SP140L: variants seen among roughly 807,000 people sequenced by gnomAD.
SP140L encodes the protein nuclear body protein SP140-like protein.
A neutral mutation model predicts 84.3 loss-of-function variants in SP140L; 64 were observed. That is an observed-to-expected ratio of 0.76 (90% CI 0.62 to 0.94). SP140L has a LOEUF of 0.94. SP140L is among the 40% of genes least tolerant of loss of function. The probability of loss-of-function intolerance (pLI) is 0.00; values close to 1 mark genes in which losing one functional copy is unlikely to be tolerated. For missense variants in SP140L, 628 were observed against 692.5 expected, an observed-to-expected ratio of 0.91 and a Z score of 1.05; for synonymous variants, 242 against 236.9, an observed-to-expected ratio of 1.02 and a Z score of -0.20.
chr2:230,387,236 G>A (rs758175287), intron 9 of SP140L, among the ~76,000 whole-genome samples: 7 of 152,174 alleles, frequency 4.6e-5, no homozygotes, highest in Admixed American at 2.6e-4. Flanking sequence ...TACTATACAA[G>A]CCTCCTACCT....
chr2:230,336,962 A>AT (rs2059899956), intron 2 of SP140L, among the ~76,000 whole-genome samples: 1 of 152,102 alleles, frequency 6.6e-6, no homozygotes, highest in South Asian at 2.1e-4. Context: ...GGTGTGTTGT[A>AT]TTAGTCTGTT....
chr2:230,376,891 G>A (rs1162943684), intron 7 of SP140L, among the ~76,000 whole-genome samples: 1 of 151,954 alleles, frequency 6.6e-6, no homozygotes, highest in Non-Finnish European at 1.5e-5. Context: ...AATAGAATAG[G>A]GAACCCGGAA....
At chr2:230,347,717 C>A (rs2060250929) in intron 2 of SP140L, among the ~76,000 whole-genome samples, 1 of 152,190 alleles carries the variant, frequency 6.6e-6, no homozygotes, top group Non-Finnish European at 1.5e-5. Flanking sequence ...TGGGCAGAAT[C>A]TCTTTGGGGG....
chr2:230,399,576 C>G (rs1395721809), intron 14 of SP140L, among the ~76,000 whole-genome samples: 2 of 152,226 alleles, frequency 1.3e-5, no homozygotes, highest in African/African-American at 4.8e-5. Flanking sequence ...CATGTGTACT[C>G]ATGGTCCTTC....
At chr2:230,369,881 C>T (rs1017769879) in intron 5 of SP140L, among the ~76,000 whole-genome samples, 14 of 152,198 alleles carry the variant, frequency 9.2e-5, no homozygotes, top group Admixed American at 3.3e-4. Context: ...TCAAGTGATT[C>T]TCCTGCCTCA....
rs1409141910 is a variant in SP140L at position 230,381,756 on chromosome 2, ACAC to A, written c.638-1753_638-1751del. On this transcript the variant is annotated intron_variant, in intron 7 of 18. Coordinates refer to ENST00000415673, the MANE Select transcript of SP140L (RefSeq NM_138402.6). ...CACACACACACACACACACACACAC[ACAC>A]ATTTCATAAACCGTGAATGCTTTAG... 2.5e-5 allele frequency among the ~76,000 whole-genome samples: 3 copies of A among 121,170 alleles called. No individual in the cohort carries two copies. The East Asian group carries it at 6.5e-4, about 26-fold the overall frequency. 79.5% of individuals were successfully genotyped at this position (121,170 alleles called of 152,430 possible).
At chr2:230,381,186 G>A (rs564476909) in intron 7 of SP140L, among the ~76,000 whole-genome samples, 34 of 152,218 alleles carry the variant, frequency 2.2e-4, no homozygotes, top group Admixed American at 7.2e-4. Flanking sequence ...ACCTCCGAGG[G>A]AGATATTATC....
chr2:230,353,963 T>C (rs1365266381), intron 2 of SP140L, among the ~76,000 whole-genome samples: 3 of 152,178 alleles, frequency 2.0e-5, no homozygotes, highest in African/African-American at 2.4e-5. Flanking sequence ...TGAAACCATA[T>C]TGTTCCACCA....
intron 2 of SP140L, among the ~76,000 whole-genome samples, chr2:230,347,401 T>G (rs1300552759): frequency 6.6e-6 from 1 of 152,026 alleles, no homozygotes; most frequent in Non-Finnish European, 1.5e-5. Flanking sequence ...TCAGTATTGT[T>G]ATCAGGTACC....
intron 2 of SP140L, among the ~76,000 whole-genome samples, chr2:230,356,973 A>C (rs1403656572): frequency 6.6e-6 from 1 of 152,148 alleles, no homozygotes; most frequent in African/African-American, 2.4e-5. Context: ...GGGAAGTGCC[A>C]ATAATTCTCT....
intron 13 of SP140L, among the ~76,000 whole-genome samples, chr2:230,395,357 G>A (rs1276460172): frequency 6.6e-6 from 1 of 152,020 alleles, no homozygotes; most frequent in Non-Finnish European, 1.5e-5. Context: ...ATGGGAGGAT[G>A]ACTTGAGCTC....
At chr2:230,354,885 G>GA (rs1553617610) in intron 2 of SP140L, among the ~76,000 whole-genome samples, 4 of 124,408 alleles carry the variant, frequency 3.2e-5, no homozygotes. Flanking sequence ...AAGAAAGAAA[G>GA]AAAGAAAGAA....
At chr2:230,385,489 T>A (rs16827208) in intron 9 of SP140L, among the ~76,000 whole-genome samples, 185 bp downstream of exon 9, 5,817 of 152,270 alleles carry the variant, frequency 0.038, 390 homozygotes, top group African/African-American at 0.13. Context: ...ATATCATAGA[T>A]CTTATCTGTC....
At chr2:230,345,079 A>T (rs112192555) in intron 2 of SP140L, among the ~76,000 whole-genome samples, 3,959 of 152,284 alleles carry the variant, frequency 0.026, 178 homozygotes, top group African/African-American at 0.09. Context: ...TTCATCTGTC[A>T]TTGTTAAGGG....
chr2:230,364,809 A>G (rs1469874348), intron 5 of SP140L, among the ~76,000 whole-genome samples: 1 of 152,066 alleles, frequency 6.6e-6, no homozygotes, highest in African/African-American at 2.4e-5. Context: ...TCTGAGGTAC[A>G]TTTCTTCTAT....
intron 4 of SP140L, among the ~76,000 whole-genome samples, chr2:230,360,469 AT>A (rs2060680642): frequency 1.3e-5 from 2 of 152,220 alleles, no homozygotes; most frequent in African/African-American, 4.8e-5. Flanking sequence ...AAATAAAATA[AT>A]TTTTGTAACA....
intron 2 of SP140L, among the ~76,000 whole-genome samples, chr2:230,340,498 GT>G (rs1394644235): frequency 1.4e-5 from 2 of 145,190 alleles, no homozygotes; most frequent in African/African-American, 5.1e-5. Context: ...TACATTTAAA[GT>G]TAATATTGTT....
intron 18 of SP140L, among the ~76,000 whole-genome samples, chr2:230,402,507 T>TAA (rs1475189754): frequency 4.6e-5 from 7 of 152,382 alleles, no homozygotes; most frequent in African/African-American, 1.4e-4. Flanking sequence ...TACTTAATAA[T>TAA]AGTGTATTTC....
At chr2:230,333,020 T>A (rs2059769312) in intron 2 of SP140L, among the ~76,000 whole-genome samples, 1 of 152,216 alleles carries the variant, frequency 6.6e-6, no homozygotes, top group African/African-American at 2.4e-5. Context: ...TATCTTAAGA[T>A]CATTCATATC....
Sources: allele counts gnomAD v4.1 joint callset (sites outside exome capture counted in the v4.1 genomes callset), GRCh38; gene constraint gnomAD v4.1.1; transcripts MANE v1.5; gene names NCBI Gene and HGNC (gene_info 2026-07-23, HGNC 2026-07-21).